SPHKAP: variants seen among roughly 807,000 people sequenced by gnomAD.
SPHKAP encodes the protein A-kinase anchor protein SPHKAP.
Under a neutral mutation model 137.5 loss-of-function variants are expected in SPHKAP, and 67 were observed. The ratio of observed to expected loss-of-function variants is 0.49; its 90% CI spans 0.40 to 0.60. The LOEUF is 0.60. SPHKAP is among the 20% of genes least tolerant of loss of function. The probability of loss-of-function intolerance (pLI) is 0.00; values close to 1 mark genes in which losing one functional copy is unlikely to be tolerated. For synonymous variants in SPHKAP, 813 were observed against 785.3 expected, an observed-to-expected ratio of 1.04 and a Z score of -0.59; for missense variants, 2,097 against 2,069.3, an observed-to-expected ratio of 1.01 and a Z score of -0.26.
Position 228,016,989 on chromosome 2 carries a change from C to T in SPHKAP, c.3865G>A (p.Asp1289Asn). Residue 1289 changes from aspartate (D) to asparagine (N), a missense_variant, in exon 7 of 12, where the codon GAC (aspartate) becomes AAC (asparagine). Asp to Asn is a conservative substitution (Grantham distance 23). Transcript: ENST00000392056. ...CCACCTCTCCGATACAAGCAAGAGT[C>T]AGATTTGCAGAGACCGGATGAGGAC... Reference protein sequence around the residue: ...SASSSGLCKSDSCLYRRGGTD... With the variant: ...SASSSGLCKSNSCLYRRGGTD... 6.2e-7 allele frequency: 1 copy of T among 1,614,106 alleles called. No individual in the cohort carries two copies. Among genetic ancestry groups the T allele is most frequent in the Non-Finnish European group, 8.5e-7 (1 of 1,180,006 alleles).
intron 3 of SPHKAP, among the ~76,000 whole-genome samples, chr2:228,038,282 G>A (rs543508563): frequency 6.6e-6 from 1 of 152,218 alleles, no homozygotes; most frequent in Non-Finnish European, 1.5e-5. Flanking sequence ...GGCTGAATTT[G>A]AGGTGAGCTT....
intron 1 of SPHKAP, among the ~76,000 whole-genome samples, chr2:228,146,271 C>T (rs973282060): frequency 2.0e-5 from 3 of 152,140 alleles, no homozygotes; most frequent in African/African-American, 7.2e-5. Context: ...AATCACCCAA[C>T]ACCCACAGTT....
At chr2:228,069,430 CT>C (rs1271246303) in intron 3 of SPHKAP, among the ~76,000 whole-genome samples, 4 of 142,028 alleles carry the variant, frequency 2.8e-5, no homozygotes, top group Non-Finnish European at 6.0e-5. Flanking sequence ...TTTTTTTCCT[CT>C]TTTTTCTTTC....
In SPHKAP at chr2:228,024,478, A is replaced by G. The variant is rs549574576; in HGVS notation, c.441+916T>C. On this transcript the variant is annotated intron_variant, in intron 5 of 11. Transcript: ENST00000392056. ...GATTCATGTAAAACTTATAGGACAC[A>G]AGCCTTGTTAGTAGCTACAAAGTCA... 3.3e-5 allele frequency among the ~76,000 whole-genome samples: 5 copies of G among 152,284 alleles called. No individual in the cohort carries two copies. In the East Asian group the frequency reaches 9.6e-4, roughly 29 times the overall value.
intron 2 of SPHKAP, among the ~76,000 whole-genome samples, chr2:228,122,910 C>G (rs1053386958): frequency 1.3e-5 from 2 of 152,100 alleles, no homozygotes; most frequent in African/African-American, 4.8e-5. Context: ...CCCAGTGCCC[C>G]CTTCCCAATG....
chr2:228,135,841 C>G (rs1377665794), intron 1 of SPHKAP, among the ~76,000 whole-genome samples: 1 of 151,972 alleles, frequency 6.6e-6, no homozygotes, highest in African/African-American at 2.4e-5. Context: ...TCACTACACC[C>G]ATATTTAAAG....
chr2:228,179,988 C>G (rs1700850237), intron 1 of SPHKAP, among the ~76,000 whole-genome samples: 1 of 152,182 alleles, frequency 6.6e-6, no homozygotes, highest in Non-Finnish European at 1.5e-5. Context: ...TTGCCCTAGA[C>G]AGTAGAATAG....
intron 3 of SPHKAP, among the ~76,000 whole-genome samples, chr2:228,041,020 G>T (rs1695819632): frequency 6.6e-6 from 1 of 152,146 alleles, no homozygotes; most frequent in Non-Finnish European, 1.5e-5. Context: ...CATTTCACCT[G>T]CTTGGAAAAA....
At chr2:228,078,444 G>C (rs1166657563) in intron 3 of SPHKAP, among the ~76,000 whole-genome samples, 1 of 150,606 alleles carries the variant, frequency 6.6e-6, no homozygotes, top group Non-Finnish European at 1.5e-5. Context: ...ACACCGTAAG[G>C]CCTCTGGTGC....
intron 5 of SPHKAP, among the ~76,000 whole-genome samples, chr2:228,023,398 C>G (rs559996338): frequency 3.9e-5 from 6 of 152,186 alleles, no homozygotes; most frequent in Non-Finnish European, 8.8e-5. Context: ...CAACCCAGAT[C>G]TACTCAATCA....
chr2:228,136,292 T>G (rs1028253410), intron 1 of SPHKAP, among the ~76,000 whole-genome samples: 1 of 152,234 alleles, frequency 6.6e-6, no homozygotes, highest in Non-Finnish European at 1.5e-5. Context: ...ACTGGTTTCA[T>G]GCTGAAACCG....
intron 4 of SPHKAP, among the ~76,000 whole-genome samples, chr2:228,026,562 T>C (rs1431503839): frequency 6.6e-6 from 1 of 152,174 alleles, no homozygotes; most frequent in East Asian, 1.9e-4. Flanking sequence ...TTATTTCAAA[T>C]CACTCACGTA....
intron 7 of SPHKAP, among the ~76,000 whole-genome samples, chr2:227,996,658 A>G (rs1407353429): frequency 6.6e-6 from 1 of 152,094 alleles, no homozygotes; most frequent in Non-Finnish European, 1.5e-5. Flanking sequence ...CTCAAAATCA[A>G]TACATCTAAA....
intron 3 of SPHKAP, among the ~76,000 whole-genome samples, chr2:228,104,276 T>C (rs59047079): frequency 7.6e-6 from 1 of 130,764 alleles, no homozygotes; most frequent in African/African-American, 2.8e-5. Context: ...TATTATATAT[T>C]ATATATCATT....
chr2:228,106,211 T>C (rs1020766464), intron 3 of SPHKAP, among the ~76,000 whole-genome samples: 2 of 152,216 alleles, frequency 1.3e-5, no homozygotes, highest in Non-Finnish European at 2.9e-5. Flanking sequence ...TATGTGGACA[T>C]CTTGAATTCA....
At chr2:228,063,968 T>G (rs578082658) in intron 3 of SPHKAP, among the ~76,000 whole-genome samples, 1 of 152,316 alleles carries the variant, frequency 6.6e-6, no homozygotes, top group East Asian at 1.9e-4. Flanking sequence ...CATACTATGG[T>G]TTTGAGGGCT....
chr2:228,175,882 A>T (rs972113514), intron 1 of SPHKAP, among the ~76,000 whole-genome samples: 1 of 152,226 alleles, frequency 6.6e-6, no homozygotes, highest in Admixed American at 6.5e-5. Flanking sequence ...GATAAAGTCA[A>T]CTTTATCTCT....
At chr2:228,107,193 A>G (rs1379752775) in intron 3 of SPHKAP, among the ~76,000 whole-genome samples, 1 of 152,068 alleles carries the variant, frequency 6.6e-6, no homozygotes, top group African/African-American at 2.4e-5. Context: ...TATCCCTTCA[A>G]TCTAAATTAA....
chr2:228,129,749 C>A (rs1184343962), intron 2 of SPHKAP, among the ~76,000 whole-genome samples: 1 of 150,624 alleles, frequency 6.6e-6, no homozygotes, highest in Admixed American at 6.6e-5. Context: ...TATATATATG[C>A]TAATGAAGTC....
Sources: allele counts gnomAD v4.1 joint callset (sites outside exome capture counted in the v4.1 genomes callset), GRCh38; gene constraint gnomAD v4.1.1; transcripts MANE v1.5; gene names NCBI Gene and HGNC (gene_info 2026-07-23, HGNC 2026-07-21).